Variants in WAC observed in about 807,000 individuals in gnomAD.
WAC encodes WW domain containing adaptor with coiled-coil.
In WAC, 11 loss-of-function variants were observed where a neutral mutation model predicts 79.6. That is an observed-to-expected ratio of 0.14 (90% CI 0.09 to 0.23). The LOEUF (loss-of-function observed/expected upper bound fraction) is 0.23, where lower values mean the gene tolerates loss of function less well. WAC is among the 10% of genes least tolerant of loss of function. The pLI is 1.00. For synonymous variants in WAC, 304 were observed against 276.9 expected (o/e 1.10, Z -0.97); for missense variants, 728 against 773.5 (o/e 0.94, Z 0.70).
chr10:28,566,617 A>G (rs1454115083), intron 3 of WAC, among the ~76,000 whole-genome samples: 2 of 152,172 alleles, frequency 1.3e-5, no homozygotes, highest in Non-Finnish European at 2.9e-5. Flanking sequence ...CATGAATGAC[A>G]TCTTAGATTG....
At chr10:28,579,770 A>G (rs1839441257) in intron 3 of WAC, among the ~76,000 whole-genome samples, 1 of 152,174 alleles carries the variant, frequency 6.6e-6, no homozygotes, top group Non-Finnish European at 1.5e-5. Context: ...TGAAATACCA[A>G]AGAAAGTATG....
chr10:28,533,594 G>A lies in WAC; in HGVS notation c.15G>A (p.Ala5=), dbSNP rs778367982. 3.8e-6 allele frequency: 6 copies of A among 1,594,760 alleles called. No individual in the cohort carries two copies. The highest frequency in any genetic ancestry group is 5.1e-6 in the Non-Finnish European group (6 of 1,170,622). Residue 5 remains alanine, a synonymous_variant, in exon 1 of 14, where the codon GCG becomes GCA. Transcript: ENST00000354911. The part of the protein sequence containing the change: MVMY[A]RKQQRLSDGC... ...GCCGGGCATTGATGGTAATGTATGC[G>A]AGGAAACAGCAGAGACTCAGTGATG...
intron 3 of WAC, among the ~76,000 whole-genome samples, chr10:28,582,140 C>T (rs966269048): frequency 1.3e-5 from 2 of 152,190 alleles, no homozygotes; most frequent in Non-Finnish European, 2.9e-5. Flanking sequence ...TATAAGCAGA[C>T]CCTTATCTGA....
At chr10:28,604,787 A>G (rs1789570343) in intron 7 of WAC, among the ~76,000 whole-genome samples, 1 of 152,210 alleles carries the variant, frequency 6.6e-6, no homozygotes, top group South Asian at 2.1e-4. Flanking sequence ...AAGGAGGGAT[A>G]ATAAATGTTA....
chr10:28,575,707 G>C (rs1442818362), intron 3 of WAC, among the ~76,000 whole-genome samples: 1 of 152,108 alleles, frequency 6.6e-6, no homozygotes, highest in Non-Finnish European at 1.5e-5. Flanking sequence ...GTTCTTACTG[G>C]TAGAATTAGG....
At chr10:28,544,624 T>C (rs868359447) in intron 3 of WAC, among the ~76,000 whole-genome samples, 5 of 152,176 alleles carry the variant, frequency 3.3e-5, no homozygotes, top group Admixed American at 2.0e-4. Context: ...GCTGCTTTCT[T>C]TGTTTAGGGT....
intron 7 of WAC, among the ~76,000 whole-genome samples, chr10:28,597,354 A>G (rs1840430095): frequency 6.6e-6 from 1 of 152,184 alleles, no homozygotes; most frequent in African/African-American, 2.4e-5. Context: ...TAATTTTGAC[A>G]ATTTGCTCAC....
At chr10:28,585,043 G>A (rs1839744725) in intron 4 of WAC, among the ~76,000 whole-genome samples, 1 of 152,110 alleles carries the variant, frequency 6.6e-6, no homozygotes, top group Non-Finnish European at 1.5e-5. Context: ...ATTCCAGCCT[G>A]GGTGACAGAG....
intron 5 of WAC, among the ~76,000 whole-genome samples, chr10:28,590,291 A>G (rs971000195): frequency 6.9e-6 from 1 of 145,752 alleles, no homozygotes; most frequent in Non-Finnish European, 1.5e-5. Flanking sequence ...TAGCCTGAGC[A>G]ACAGAGCAAG....
chr10:28,547,712 T>A (rs913886828), intron 3 of WAC, among the ~76,000 whole-genome samples: 4 of 152,046 alleles, frequency 2.6e-5, no homozygotes, highest in Admixed American at 2.6e-4. Flanking sequence ...TCAAACCTGG[T>A]TCTTTTTCAT....
At position 28,621,476 on chromosome 10, in the gene WAC, A is replaced by G. The variant is rs1841690775; in HGVS notation, c.*1870A>G. ...TAAAATACAAAAATGTTCCAGTGTA[A>G]TTAAAAGGAATTAAAATCTTGAAGA... On this transcript the variant is annotated 3_prime_UTR_variant, in exon 14 of 14. Transcript: ENST00000354911. 1 of 152,210 alleles carries G rather than the reference A, an allele frequency of 6.6e-6. No homozygotes were observed. Among genetic ancestry groups the G allele is most frequent in the Admixed American group, 6.5e-5 (1 of 15,282 alleles). The allele number at this position is 152,210 out of a possible 1,614,324, so 9.4% of individuals were successfully genotyped here.
rs1042886107 is a variant in WAC at position 28,583,612 on chromosome 10, T to TA, written c.381+112dup. The TA allele has an allele frequency of 6.7e-5, 52 of 773,728 alleles. No individual in the cohort carries two copies. The Admixed American group carries it at 1.0e-3, about 15-fold the overall frequency. The allele number at this position is 773,728 out of a possible 1,614,324, so 47.9% of individuals were successfully genotyped here. ...TTGTAAAATCTAATGTCTTTTTTTT[T>TA]AAAAATGTTTCAATCACAGTCTTAA... On this transcript the variant is annotated intron_variant, in intron 4 of 13. Coordinates refer to ENST00000354911, the MANE Select transcript of WAC (RefSeq NM_016628.5).
chr10:28,610,810 T>C lies in WAC; in HGVS notation c.1277T>C (p.Leu426Pro), dbSNP rs966933088. 3.1e-6 allele frequency: 5 copies of C among 1,608,966 alleles called. No individual in the cohort carries two copies. Among genetic ancestry groups the C allele is most frequent in the Admixed American group, 1.7e-5 (1 of 59,264 alleles). Residue 426 changes from leucine (L) to proline (P), a missense_variant, in exon 9 of 14, where the codon CTC (leucine) becomes CCC (proline). Around this residue, in one of 3 missense-constraint regions of WAC, gnomAD observed 648 missense variants for 661.5 expected, o/e 0.98. Coordinates refer to ENST00000354911, the MANE Select transcript of WAC (RefSeq NM_016628.5). ...TCTCTGATTTCTCAAGCTGCTCAGC[T>C]CTCTACACAAGGTATTCTTACTCAT... is the stretch of plus-strand genomic sequence containing the variant. ...ITSLISQAAQ[L>P]STQAQPSNQS...
In WAC at chr10:28,583,388, A is replaced by AT. The variant is rs778022150; in HGVS notation, c.275-4dup. 7 of 1,562,074 alleles carry AT rather than the reference A, an allele frequency of 4.5e-6. No individual in the cohort carries two copies. Among genetic ancestry groups the AT allele is most frequent in the East Asian group, 2.3e-5 (1 of 43,660 alleles). Reference sequence around the variant, plus strand: ...TTACTTGTAATTCACTTTGTTCTTTATTTTTTTAAGGGACCAGTTACTCTC... The same window carrying AT: ...TTACTTGTAATTCACTTTGTTCTTTATTTTTTTTAAGGGACCAGTTACTCTC... On this transcript the variant is annotated splice_polypyrimidine_tract_variant and intron_variant, in intron 3 of 13. Coordinates refer to ENST00000354911, the MANE Select transcript of WAC (RefSeq NM_016628.5).
intron 7 of WAC, among the ~76,000 whole-genome samples, chr10:28,599,231 T>C (rs1840522956): frequency 6.6e-6 from 1 of 152,198 alleles, no homozygotes; most frequent in Admixed American, 6.5e-5. Context: ...AAATAATTTA[T>C]ATTAAGCGCT....
At chr10:28,549,353 T>A (rs181025897) in intron 3 of WAC, among the ~76,000 whole-genome samples, 6 of 152,338 alleles carry the variant, frequency 3.9e-5, no homozygotes, top group Admixed American at 2.0e-4. Flanking sequence ...TGTGGGTATC[T>A]CATGCTTCTT....
At chr10:28,612,023 G>GT in intron 10 of WAC, 101 bp downstream of exon 10, 1 of 1,397,716 alleles carries the variant, frequency 7.2e-7, no homozygotes, top group East Asian at 2.3e-5. Context: ...TGAGAATGAG[G>GT]TGTAGTGGTG....
At chr10:28,542,207 C>G (rs1055744538) in intron 3 of WAC, among the ~76,000 whole-genome samples, 1 of 152,246 alleles carries the variant, frequency 6.6e-6, no homozygotes, top group African/African-American at 2.4e-5. Flanking sequence ...GTGTCACCCT[C>G]TCACAGGGCC....
intron 13 of WAC, 198 bp downstream of exon 13, chr10:28,617,982 G>A: frequency 2.1e-6 from 1 of 479,942 alleles, no homozygotes. Context: ...AACCCATGAT[G>A]AATGCTTCAT....
Sources: gnomAD v4.1 joint callset for allele counts (sites outside exome capture counted in the v4.1 genomes callset) on GRCh38, gnomAD v4.1.1 for gene constraint, gnomAD v4.1.1 regional missense constraint, MANE v1.5 for transcripts, NCBI Gene and HGNC (gene_info 2026-07-23, HGNC 2026-07-21) for gene names.